CLASP1: variants seen among roughly 807,000 people sequenced by gnomAD.
CLASP1 encodes cytoplasmic linker associated protein 1.
A neutral mutation model predicts 192.3 loss-of-function variants in CLASP1; 38 were observed. That is an observed-to-expected ratio of 0.20 (90% confidence interval 0.15 to 0.26). The LOEUF is 0.26. CLASP1 is among the 10% of genes least tolerant of loss of function. The pLI is 1.00. For synonymous variants in CLASP1, 691 were observed against 712.8 expected (o/e 0.97, Z 0.49); for missense variants, 1,433 against 1,932.5 (o/e 0.74, Z 4.85).
At chr2:121,413,065 C>T (rs994976049) in intron 23 of CLASP1, among the ~76,000 whole-genome samples, 3 of 152,000 alleles carry the variant, frequency 2.0e-5, no homozygotes, top group Non-Finnish European at 4.4e-5. Context: ...TTGAGACCAG[C>T]CTGGGCAACA....
chr2:121,387,999 A>C (rs2073629987), intron 30 of CLASP1, 93 bp from the exon 32 acceptor site: 1 of 1,005,442 alleles, frequency 9.9e-7, no homozygotes, highest in East Asian at 2.7e-5. Context: ...TATAAGTAAA[A>C]TCACTAATAA....
At chr2:121,445,190 A>G (rs2084096044) in intron 19 of CLASP1, among the ~76,000 whole-genome samples, 1 of 152,212 alleles carries the variant, frequency 6.6e-6, no homozygotes, top group African/African-American at 2.4e-5. Context: ...TTTGGAAAAT[A>G]AAACACAGAC....
intron 2 of CLASP1, chr2:121,531,076 GGTTAAACCAGTA>G (rs1559537068): frequency 1.5e-6 from 1 of 686,408 alleles, no homozygotes; most frequent in Admixed American, 2.0e-5. Context: ...AGTACTTTGT[GGTTAAACCAGTA>G]GAGGGTGCAC....
chr2:121,531,095 G>GCA, intron 2 of CLASP1: 1 of 651,484 alleles, frequency 1.5e-6, no homozygotes. Flanking sequence ...AGTAGAGGGT[G>GCA]CACAAGACGC....
chr2:121,478,855 CCACACCACACA>C (rs756183863), intron 8 of CLASP1, among the ~76,000 whole-genome samples: 21 of 56,920 alleles, frequency 3.7e-4, no homozygotes, highest in Admixed American at 1.2e-3. Flanking sequence ...ACACCACACA[CCACACCACACA>C]CACACCACAC....
chr2:121,427,754 G>A (rs1270224371), intron 20 of CLASP1, among the ~76,000 whole-genome samples: 1 of 152,148 alleles, frequency 6.6e-6, no homozygotes, highest in Non-Finnish European at 1.5e-5. Context: ...ATCTTCAAAA[G>A]TGCTTACCAC....
intron 2 of CLASP1, among the ~76,000 whole-genome samples, chr2:121,536,898 CGCT>C (rs1403114202): frequency 6.6e-6 from 1 of 152,090 alleles, no homozygotes; most frequent in Non-Finnish European, 1.5e-5. Flanking sequence ...TACTTCATGC[CGCT>C]GAATTGTACA....
At chr2:121,470,582 G>A (rs2090530955) in intron 8 of CLASP1, 2 of 427,764 alleles carry the variant, frequency 4.7e-6, no homozygotes, top group African/African-American at 2.1e-5. Flanking sequence ...CACTCTTATT[G>A]TTAGATATTT....
intron 7 of CLASP1, 102 bp from the exon 8 acceptor site, chr2:121,503,336 A>C: frequency 1.4e-6 from 1 of 694,294 alleles, no homozygotes; most frequent in Admixed American, 2.5e-5. Context: ...CCATCAAAAA[A>C]AACAATGGTA....
chr2:121,480,583 A>G (rs1037021735), intron 8 of CLASP1, among the ~76,000 whole-genome samples: 1 of 152,180 alleles, frequency 6.6e-6, no homozygotes, highest in African/African-American at 2.4e-5. Flanking sequence ...AGCAAGACCA[A>G]CCTCATTTGA....
At chr2:121,613,534 T>C (rs2065951300) in intron 1 of CLASP1, among the ~76,000 whole-genome samples, 2 of 152,116 alleles carry the variant, frequency 1.3e-5, no homozygotes, top group South Asian at 4.1e-4. Context: ...TGGCCTCTGG[T>C]CTTGACTCCC....
intron 30 of CLASP1, among the ~76,000 whole-genome samples, chr2:121,395,542 G>A (rs1006478814): frequency 6.6e-6 from 1 of 152,148 alleles, no homozygotes; most frequent in Non-Finnish European, 1.5e-5. Flanking sequence ...AGACATATCA[G>A]TCTATTTCAC....
At chr2:121,631,929 C>G (rs906709841) in intron 1 of CLASP1, among the ~76,000 whole-genome samples, 2 of 152,136 alleles carry the variant, frequency 1.3e-5, no homozygotes, top group Middle Eastern at 6.8e-3. Flanking sequence ...CCCATGTAAT[C>G]CCAGCTACTC....
chr2:121,587,762 C>T (rs751706164), intron 2 of CLASP1, among the ~76,000 whole-genome samples: 7 of 150,136 alleles, frequency 4.7e-5, no homozygotes, highest in South Asian at 2.1e-4. Flanking sequence ...ACCCGGGAGG[C>T]GGAGGTTACA....
At chr2:121,577,115 C>T (rs1012488887) in intron 2 of CLASP1, among the ~76,000 whole-genome samples, 5 of 151,762 alleles carry the variant, frequency 3.3e-5, no homozygotes, top group Admixed American at 3.3e-4. Flanking sequence ...TGGGGGGCAG[C>T]AGAGGGAAGA....
At chr2:121,516,483 T>C (rs1168138242) in intron 6 of CLASP1, among the ~76,000 whole-genome samples, 1 of 152,200 alleles carries the variant, frequency 6.6e-6, no homozygotes, top group Admixed American at 6.5e-5. Flanking sequence ...GCACGGCACA[T>C]GCTTCAGGAA....
intron 8 of CLASP1, chr2:121,490,285 T>C (rs1043807099): frequency 8.8e-6 from 4 of 455,062 alleles, no homozygotes; most frequent in Non-Finnish European, 1.8e-5. Context: ...TTCCCAGTAG[T>C]CATGATTGTC....
At chr2:121,464,674 A>G (rs1371413794) in intron 9 of CLASP1, among the ~76,000 whole-genome samples, 1 of 151,796 alleles carries the variant, frequency 6.6e-6, no homozygotes, top group Non-Finnish European at 1.5e-5. Flanking sequence ...CATGTCCTTC[A>G]CCCACTTTTT....
intron 6 of CLASP1, among the ~76,000 whole-genome samples, chr2:121,522,266 C>T (rs946260570): frequency 1.3e-5 from 2 of 152,166 alleles, no homozygotes; most frequent in African/African-American, 2.4e-5. Flanking sequence ...ATACTGAAAG[C>T]TGCCCGTAGA....
Sources: gnomAD v4.1 joint callset for allele counts (sites outside exome capture counted in the v4.1 genomes callset) on GRCh38, gnomAD v4.1.1 for gene constraint, MANE v1.5 for transcripts, NCBI Gene and HGNC (gene_info 2026-07-23, HGNC 2026-07-21) for gene names.